The following ADAMTS6 variants were observed in gnomAD, a reference collection of about 807,000 sequenced individuals.
ADAMTS6 encodes A disintegrin and metalloproteinase with thrombospondin motifs 6.
Under a neutral mutation model 144.3 loss-of-function variants are expected in ADAMTS6, and 23 were observed. The observed-to-expected ratio is 0.16, with a 90% CI of 0.11 to 0.23. ADAMTS6 has a LOEUF of 0.23. ADAMTS6 is among the 10% of genes least tolerant of loss of function. The pLI, the probability that ADAMTS6 is intolerant of heterozygous loss-of-function variation, is 1.00. For synonymous variants in ADAMTS6, 444 were observed against 457.5 expected, an observed-to-expected ratio of 0.97 and a Z score of 0.38; for missense variants, 999 against 1,379.6, an observed-to-expected ratio of 0.72 and a Z score of 4.37.
intron 15 of ADAMTS6, among the ~76,000 whole-genome samples, chr5:65,232,565 A>G (rs1045899648): frequency 6.6e-6 from 1 of 152,080 alleles, no homozygotes; most frequent in Non-Finnish European, 1.5e-5. Flanking sequence ...GACTGCTATG[A>G]ACACTTATAT....
chr5:65,427,256 G>C (rs1756613149), intron 7 of ADAMTS6, among the ~76,000 whole-genome samples: 2 of 151,704 alleles, frequency 1.3e-5, no homozygotes, highest in Admixed American at 6.6e-5. Context: ...TCTATCATTT[G>C]ACATCAAATT....
At chr5:65,344,612 C>G (rs1748149694) in intron 7 of ADAMTS6, among the ~76,000 whole-genome samples, 1 of 151,786 alleles carries the variant, frequency 6.6e-6, no homozygotes, top group Admixed American at 6.6e-5. Flanking sequence ...TCACAATGAA[C>G]ATCACTATAT....
intron 7 of ADAMTS6, among the ~76,000 whole-genome samples, chr5:65,409,844 T>C (rs1036441157): frequency 6.6e-6 from 1 of 152,204 alleles, no homozygotes; most frequent in Non-Finnish European, 1.5e-5. Flanking sequence ...TTGTTCAACA[T>C]ATGCAAATCA....
intron 15 of ADAMTS6, among the ~76,000 whole-genome samples, chr5:65,233,416 A>G (rs1339225447): frequency 6.6e-6 from 1 of 152,076 alleles, no homozygotes; most frequent in Non-Finnish European, 1.5e-5. Context: ...TGCTGACAAC[A>G]TATTCTTATA....
chr5:65,412,092 A>C (rs906796722), intron 7 of ADAMTS6, among the ~76,000 whole-genome samples: 1 of 152,218 alleles, frequency 6.6e-6, no homozygotes, highest in African/African-American at 2.4e-5. Flanking sequence ...TGGGTAAAGA[A>C]ATTTAAGTAC....
At chr5:65,435,567 G>A (rs1016961488) in intron 7 of ADAMTS6, among the ~76,000 whole-genome samples, 11 of 151,648 alleles carry the variant, frequency 7.3e-5, no homozygotes, top group South Asian at 6.2e-4. Context: ...GGCAAGATGA[G>A]GATCATAAAA....
At chr5:65,241,108 T>C (rs191278070) in intron 15 of ADAMTS6, among the ~76,000 whole-genome samples, 2 of 151,974 alleles carry the variant, frequency 1.3e-5, no homozygotes, top group Admixed American at 6.6e-5. Flanking sequence ...GAAGAAAGTA[T>C]AGTAAAACGT....
At chr5:65,374,266 A>C (rs1317440672) in intron 7 of ADAMTS6, among the ~76,000 whole-genome samples, 7 of 152,048 alleles carry the variant, frequency 4.6e-5, no homozygotes, top group African/African-American at 1.7e-4. Context: ...CAGGGCAATT[A>C]GGCAGGAGAA....
chr5:65,427,385 C>A (rs1157556377), intron 7 of ADAMTS6, among the ~76,000 whole-genome samples: 4 of 151,960 alleles, frequency 2.6e-5, no homozygotes, highest in African/African-American at 9.7e-5. Context: ...CTCATTGCAG[C>A]CTCAAACTCC....
chr5:65,338,017 T>C (rs9885041), intron 7 of ADAMTS6, among the ~76,000 whole-genome samples: 2 of 152,206 alleles, frequency 1.3e-5, no homozygotes, highest in Admixed American at 1.3e-4. Flanking sequence ...AACCCACAGG[T>C]GGCAGAAGCC....
chr5:65,249,981 G>T (rs759847138), intron 14 of ADAMTS6, among the ~76,000 whole-genome samples: 6 of 152,040 alleles, frequency 3.9e-5, no homozygotes, highest in Non-Finnish European at 7.4e-5. Context: ...AGCTTACCTT[G>T]CCACACCCAC....
chr5:65,403,112 T>G (rs1303066238), intron 7 of ADAMTS6, among the ~76,000 whole-genome samples: 1 of 152,188 alleles, frequency 6.6e-6, no homozygotes, highest in African/African-American at 2.4e-5. Context: ...CACAGTCATC[T>G]GATATAGATG....
At chr5:65,448,946 C>T (rs534945929) in intron 7 of ADAMTS6, among the ~76,000 whole-genome samples, 24 of 152,174 alleles carry the variant, frequency 1.6e-4, no homozygotes, top group South Asian at 1.5e-3. Flanking sequence ...CAAAAATTAG[C>T]AGTATGATTT....
At chr5:65,390,853 A>T (rs1752854325) in intron 7 of ADAMTS6, among the ~76,000 whole-genome samples, 1 of 152,000 alleles carries the variant, frequency 6.6e-6, no homozygotes, top group Non-Finnish European at 1.5e-5. Context: ...TCATGTCTTT[A>T]TGTGATATAC....
chr5:65,370,138 G>A (rs993520329), intron 7 of ADAMTS6, among the ~76,000 whole-genome samples: 8 of 152,134 alleles, frequency 5.3e-5, no homozygotes, highest in African/African-American at 1.4e-4. Flanking sequence ...GGCCAGGCAC[G>A]GTGGCTCACG....
At chr5:65,381,529 ATTTTTTTTTTTTTT>A (rs748143650) in intron 7 of ADAMTS6, among the ~76,000 whole-genome samples, 6,906 of 103,218 alleles carry the variant, frequency 0.067, 664 homozygotes, top group African/African-American at 0.24. Flanking sequence ...TGCCTGGCTA[ATTTTTTTTTTTTTT>A]TTTTTTTTTT....
intron 14 of ADAMTS6, among the ~76,000 whole-genome samples, chr5:65,253,438 G>A (rs1172184083): frequency 2.0e-5 from 3 of 152,084 alleles, no homozygotes; most frequent in South Asian, 2.1e-4. Flanking sequence ...AGCCAAAAAC[G>A]CTTATGGATT....
intron 22 of ADAMTS6, among the ~76,000 whole-genome samples, chr5:65,180,600 G>A (rs1163476307): frequency 6.6e-6 from 1 of 151,998 alleles, no homozygotes; most frequent in East Asian, 1.9e-4. Context: ...TGGCTTTCTA[G>A]TAGGTCTCCT....
At chr5:65,422,712 C>T (rs539583723) in intron 7 of ADAMTS6, among the ~76,000 whole-genome samples, 204 of 151,832 alleles carry the variant, frequency 1.3e-3, no homozygotes, top group Non-Finnish European at 2.5e-3. Context: ...TAAATTACTA[C>T]AAACTCTATG....
Sources: gnomAD v4.1 joint callset for allele counts (sites outside exome capture counted in the v4.1 genomes callset) on GRCh38, gnomAD v4.1.1 for gene constraint, MANE v1.5 for transcripts, NCBI Gene and HGNC (gene_info 2026-07-23, HGNC 2026-07-21) for gene names.